Variants in ABCA13 observed in about 807,000 individuals in gnomAD.
ABCA13 encodes the protein ATP binding cassette subfamily A member 13.
Under a neutral mutation model 478.7 loss-of-function variants are expected in ABCA13, and 476 were observed. The observed-to-expected ratio is 0.99, with a 90% confidence interval of 0.92 to 1.07. ABCA13 has a LOEUF of 1.07. ABCA13 is among the 50% of genes least tolerant of loss of function. The probability of loss-of-function intolerance (pLI) is 0.00; values close to 1 mark genes in which losing one functional copy is unlikely to be tolerated. For missense variants in ABCA13, 6,060 were observed against 5,910.6 expected, an observed-to-expected ratio of 1.03 and a Z score of -0.83; for synonymous variants, 2,252 against 2,158.9, an observed-to-expected ratio of 1.04 and a Z score of -1.20.
chr7:48,276,435 C>T lies in ABCA13; in HGVS notation c.6769C>T (p.Leu2257=), dbSNP rs1238986820. 2 of 1,577,960 alleles carry T rather than the reference C, an allele frequency of 1.3e-6. No individual in the cohort carries two copies. Among genetic ancestry groups the T allele is most frequent in the East Asian group, 4.5e-5 (2 of 44,562 alleles). Residue 2257 remains leucine, a synonymous_variant, in exon 17 of 62, where the codon CTG becomes TTG. Coordinates refer to ENST00000435803, the MANE Select transcript of ABCA13 (RefSeq NM_152701.5). ...AACTAGTAGGAAAACAGTTCTCTCTCTGAGAAGCATAGTAGATTTCACAGA... is the reference window on the plus strand; with the variant it reads ...AACTAGTAGGAAAACAGTTCTCTCTTTGAGAAGCATAGTAGATTTCACAGA... ...SETSRKTVLS[L]RSIVDFTEQF... is the part of the protein sequence containing the mutation.
At chr7:48,397,841 C>T (rs185848782) in intron 38 of ABCA13, among the ~76,000 whole-genome samples, 9 of 152,190 alleles carry the variant, frequency 5.9e-5, no homozygotes, top group Non-Finnish European at 8.8e-5. Flanking sequence ...CTTGAGGGAC[C>T]GAAGTCCATT....
intron 52 of ABCA13, among the ~76,000 whole-genome samples, chr7:48,517,725 A>T (rs1832238276): frequency 6.6e-6 from 1 of 152,074 alleles, no homozygotes; most frequent in Non-Finnish European, 1.5e-5. Flanking sequence ...AATCCTTTTC[A>T]TTCTGTTTTC....
chr7:48,271,498 T>C (rs1795600900), intron 16 of ABCA13, among the ~76,000 whole-genome samples: 2 of 152,196 alleles, frequency 1.3e-5, no homozygotes, highest in African/African-American at 4.8e-5. Flanking sequence ...AATAGCAAAC[T>C]TATCTTTAAT....
intron 4 of ABCA13, among the ~76,000 whole-genome samples, chr7:48,221,005 A>T: frequency 6.6e-6 from 1 of 152,110 alleles, no homozygotes; most frequent in East Asian, 1.9e-4. Flanking sequence ...GAAATTAGAT[A>T]CTAATTAAAT....
intron 3 of ABCA13, among the ~76,000 whole-genome samples, chr7:48,205,318 C>T (rs528461490): frequency 6.9e-6 from 1 of 144,502 alleles, no homozygotes; most frequent in South Asian, 2.2e-4. Flanking sequence ...GATTTAACTG[C>T]ATTTTTTTTC....
At position 48,273,072 on chromosome 7, in the gene ABCA13, A is replaced by G; in HGVS notation, c.3406A>G (p.Ser1136Gly). Residue 1136 changes from serine (S) to glycine (G), a missense_variant, in exon 17 of 62, where the codon AGT (serine) becomes GGT (glycine). Ser to Gly is a moderately conservative substitution (Grantham distance 56). Around this residue, in one of 3 missense-constraint regions of ABCA13, gnomAD observed 4,423 missense variants for 4,309.1 expected, o/e 1.03. Transcript: ENST00000435803. The part of the protein sequence containing the change: ...QIFSNLSANV[S>G]VFNKFMSIHC... ...TTTTTCAAACCTCTCAGCAAATGTC[A>G]GTGTGTTCAACAAGTTTATGTCCAT... 1 of 1,613,662 alleles carries G rather than the reference A, an allele frequency of 6.2e-7. No homozygotes were observed.
chr7:48,260,038 T>G (rs1477368486), intron 15 of ABCA13, among the ~76,000 whole-genome samples: 1 of 152,106 alleles, frequency 6.6e-6, no homozygotes, highest in Non-Finnish European at 1.5e-5. Flanking sequence ...ATTCCTTAGA[T>G]TTCTTGGATT....
intron 29 of ABCA13, among the ~76,000 whole-genome samples, chr7:48,349,887 C>T (rs1207066409): frequency 6.6e-6 from 1 of 152,242 alleles, no homozygotes; most frequent in Non-Finnish European, 1.5e-5. Flanking sequence ...CAGGGATAGA[C>T]TGTTGTCTGT....
chr7:48,388,572 C>T lies in ABCA13; in HGVS notation c.11474-468C>T, dbSNP rs116116179. Among the ~76,000 whole-genome samples the T allele has an allele frequency of 3.7e-3, 563 of 152,316 alleles. 3 individuals carry two copies. The highest frequency in any genetic ancestry group is 0.012 in the African/African-American group (517 of 41,576). On this transcript the variant is annotated intron_variant, in intron 36 of 61. Coordinates refer to ENST00000435803, the MANE Select transcript of ABCA13 (RefSeq NM_152701.5). ...TAGAGATGCATCACTCAGAGATAAA[C>T]AAGCTCCCATCGTGGTGGGTTTAGA...
Position 48,298,404 on chromosome 7 carries a change from T to C in ABCA13, c.9238T>C (p.Leu3080=). 6.2e-7 allele frequency: 1 copy of C among 1,612,302 alleles called. No individual in the cohort carries two copies. Among genetic ancestry groups the C allele is most frequent in the Non-Finnish European group, 8.5e-7 (1 of 1,178,986 alleles). Residue 3080 remains leucine (L), a synonymous_variant, in exon 23 of 62, where the codon TTG becomes CTG. Transcript: ENST00000435803. ...AGATTTGATGAAGAATATCACCAAG[T>C]TGACTGAGGAGCTTCGCTCTTCCAT... ...IKDLMKNITK[L]TEELRSSIQI...
chr7:48,334,114 A>T (rs1412399605), intron 27 of ABCA13, among the ~76,000 whole-genome samples: 1 of 152,032 alleles, frequency 6.6e-6, no homozygotes, highest in African/African-American at 2.4e-5. Flanking sequence ...TGGGGATTTT[A>T]ATGTGTGTGT....
Position 48,387,969 on chromosome 7 carries a change from G to A in ABCA13, c.11473+10G>A. On this transcript the variant is annotated intron_variant, in intron 36 of 61. Transcript: ENST00000435803. ...AACTTTGACAATAAAGGTTTGTAAG[G>A]AGTAGAATTATTAGATGCATGTATT... The A allele has an allele frequency of 6.3e-7, 1 of 1,591,372 alleles. No individual in the cohort carries two copies. The highest frequency in any genetic ancestry group is 1.2e-5 in the South Asian group (1 of 86,068).
intron 48 of ABCA13, among the ~76,000 whole-genome samples, chr7:48,496,596 T>C (rs1033976808): frequency 6.6e-6 from 1 of 152,140 alleles, no homozygotes; most frequent in South Asian, 2.1e-4. Context: ...CTTATGTAAC[T>C]TCTTTTTGCT....
intron 1 of ABCA13, among the ~76,000 whole-genome samples, chr7:48,173,853 T>C (rs1215959011): frequency 6.6e-6 from 1 of 152,256 alleles, no homozygotes; most frequent in Admixed American, 6.5e-5. Flanking sequence ...GTACCTGGTA[T>C]AGGAGTGGGA....
intron 1 of ABCA13, among the ~76,000 whole-genome samples, chr7:48,180,107 CTGA>C (rs200213472): frequency 0.043 from 6,573 of 152,256 alleles, 217 homozygotes; most frequent in Admixed American, 0.11. Flanking sequence ...CTGAATTTAT[CTGA>C]TGAAGACTGG....
intron 42 of ABCA13, among the ~76,000 whole-genome samples, chr7:48,428,441 A>T (rs28369084): frequency 0.27 from 41,800 of 152,058 alleles, 5,896 homozygotes; most frequent in East Asian, 0.37. Context: ...TGGCATATTT[A>T]TTAGCAGCAA....
chr7:48,643,246 C>G, intron 59 of ABCA13, 42 bp from the exon 60 acceptor site: 1 of 1,321,540 alleles, frequency 7.6e-7, no homozygotes, highest in Non-Finnish European at 1.1e-6. Flanking sequence ...CATCTTAGGT[C>G]AATATGATAA....
chr7:48,204,123 T>G (rs1784592818), intron 3 of ABCA13, among the ~76,000 whole-genome samples: 2 of 151,896 alleles, frequency 1.3e-5, no homozygotes, highest in Non-Finnish European at 2.9e-5. Flanking sequence ...TTTTTTTTTT[T>G]TTTTCTGAGA....
At chr7:48,251,444 C>G (rs1422896766) in intron 15 of ABCA13, among the ~76,000 whole-genome samples, 1 of 152,108 alleles carries the variant, frequency 6.6e-6, no homozygotes, top group Non-Finnish European at 1.5e-5. Flanking sequence ...AATTGAGGCT[C>G]AGAAAGATTT....
Sources: allele counts gnomAD v4.1 joint callset (sites outside exome capture counted in the v4.1 genomes callset), GRCh38; gene constraint gnomAD v4.1.1; regional missense constraint gnomAD v4.1.1; transcripts MANE v1.5; gene names NCBI Gene and HGNC (gene_info 2026-07-23, HGNC 2026-07-21).